Variants in CDH8 observed in about 807,000 individuals in gnomAD.
The protein encoded by CDH8 is cadherin-8.
In CDH8, 17 loss-of-function variants were observed where a neutral mutation model predicts 68.1. The observed-to-expected ratio is 0.25, with a 90% CI of 0.17 to 0.37. The LOEUF (loss-of-function observed/expected upper bound fraction) is 0.37. Ranked by LOEUF, CDH8 falls within the 10% of genes least tolerant of loss-of-function variation. The probability of loss-of-function intolerance (pLI) is 1.00; values close to 1 mark genes in which losing one functional copy is unlikely to be tolerated. For missense variants in CDH8, 763 were observed against 999.3 expected (o/e 0.76, Z 3.19); for synonymous variants, 372 against 365.1 (o/e 1.02, Z -0.21).
intron 2 of CDH8, among the ~76,000 whole-genome samples, chr16:61,902,754 C>T (rs1385716081): frequency 3.9e-5 from 6 of 152,026 alleles, no homozygotes; most frequent in African/African-American, 1.4e-4. Flanking sequence ...CATAAAATAG[C>T]AACAAAGATT....
Position 61,833,364 on chromosome 16 carries a change from T to C in CDH8, c.668-8185A>G, listed in dbSNP as rs562701978. Among the ~76,000 whole-genome samples the C allele has an allele frequency of 3.3e-5, 5 of 151,896 alleles. No homozygotes were observed. The South Asian group carries it at 6.2e-4, about 19-fold the overall frequency. ...ATAGATTCACACATATGTAAATATATGCATGTTTTCTACTTAGGCTTTATA... is the reference window on the plus strand; with the variant it reads ...ATAGATTCACACATATGTAAATATACGCATGTTTTCTACTTAGGCTTTATA... On this transcript the variant is annotated intron_variant, in intron 4 of 11. Transcript: ENST00000577390.
At chr16:61,940,738 C>T (rs1407401778) in intron 2 of CDH8, 1 of 152,182 alleles carries the variant, frequency 6.6e-6, no homozygotes, top group Non-Finnish European at 1.5e-5. Flanking sequence ...GGAAGAGAGG[C>T]TGCTGGAATC....
At chr16:61,872,133 A>T (rs975124371) in intron 3 of CDH8, among the ~76,000 whole-genome samples, 16 of 152,214 alleles carry the variant, frequency 1.1e-4, no homozygotes, top group African/African-American at 3.9e-4. Context: ...AAAAGAGCTA[A>T]TTGTGAGTTA....
At chr16:61,950,625 C>A (rs577394046) in intron 2 of CDH8, among the ~76,000 whole-genome samples, 192 of 152,214 alleles carry the variant, frequency 1.3e-3, no homozygotes, top group African/African-American at 4.5e-3. Context: ...TACTTCATTT[C>A]TTATTTTCCC....
chr16:61,871,329 T>C (rs1963357948), intron 3 of CDH8, among the ~76,000 whole-genome samples: 1 of 151,206 alleles, frequency 6.6e-6, no homozygotes, highest in South Asian at 2.1e-4. Flanking sequence ...TACAGGTGTG[T>C]AATCCCACCA....
rs1963951277 is a variant in CDH8 at position 61,900,573 on chromosome 16, C to CACATA, written c.547+605_547+606insTATGT. Reference sequence around the variant, plus strand: ...AAAATCATGTTTGAAATACAGACTGCTCTGTAATATGTGATGGAGTCTTCA... The same window carrying CACATA: ...AAAATCATGTTTGAAATACAGACTGCACATATCTGTAATATGTGATGGAGTCTTCA... On this transcript the variant is annotated intron_variant, in intron 3 of 11. Transcript: ENST00000577390. Among the ~76,000 whole-genome samples, 5 of 152,242 alleles carry CACATA rather than the reference C, an allele frequency of 3.3e-5. No individual in the cohort carries two copies. The South Asian group carries it at 1.0e-3, about 32-fold the overall frequency.
intron 2 of CDH8, among the ~76,000 whole-genome samples, chr16:61,933,706 GC>G (rs1046622045): frequency 1.1e-4 from 16 of 151,968 alleles, no homozygotes; most frequent in African/African-American, 3.9e-4. Flanking sequence ...TTCTTTTAGT[GC>G]TGGTGGTGAT....
intron 2 of CDH8, among the ~76,000 whole-genome samples, chr16:61,941,309 T>C (rs1348969198): frequency 1.3e-5 from 2 of 152,218 alleles, no homozygotes; most frequent in Non-Finnish European, 2.9e-5. Context: ...AAGAGTATCT[T>C]CGTATAGATC....
At chr16:61,983,391 T>C (rs1965571511) in intron 2 of CDH8, among the ~76,000 whole-genome samples, 1 of 152,220 alleles carries the variant, frequency 6.6e-6, no homozygotes, top group Non-Finnish European at 1.5e-5. Context: ...CAATTGCGAC[T>C]TGTACCTTTT....
intron 8 of CDH8, among the ~76,000 whole-genome samples, chr16:61,775,994 G>T (rs2142991142): frequency 6.6e-6 from 1 of 152,106 alleles, no homozygotes; most frequent in South Asian, 2.1e-4. Context: ...AAGCCCAAGT[G>T]GTTTGAATAA....
At chr16:61,926,844 C>A (rs1964464108) in intron 2 of CDH8, among the ~76,000 whole-genome samples, 1 of 152,052 alleles carries the variant, frequency 6.6e-6, no homozygotes. Flanking sequence ...TACAAAGGGT[C>A]TCATTTAAGA....
At chr16:61,792,881 T>C (rs548014113) in intron 7 of CDH8, among the ~76,000 whole-genome samples, 58 of 152,108 alleles carry the variant, frequency 3.8e-4, no homozygotes, top group African/African-American at 1.4e-3. Flanking sequence ...ATTTGTATCA[T>C]GGTGACATCC....
chr16:61,906,027 T>C lies in CDH8; in HGVS notation c.253-4554A>G, dbSNP rs1964055032. 2.0e-5 allele frequency among the ~76,000 whole-genome samples: 3 copies of C among 151,246 alleles called. No homozygotes were observed. The South Asian group carries it at 6.3e-4, about 32-fold the overall frequency. ...ATAGTATGGGAGAGAAACTAATAGATAGAGCAAGGAATTGAGGAAAAGAAA... is the reference window on the plus strand; with the variant it reads ...ATAGTATGGGAGAGAAACTAATAGACAGAGCAAGGAATTGAGGAAAAGAAA... On this transcript the variant is annotated intron_variant, in intron 2 of 11. Transcript: ENST00000577390.
intron 8 of CDH8, among the ~76,000 whole-genome samples, chr16:61,772,026 G>A (rs1347290397): frequency 1.3e-5 from 2 of 151,912 alleles, no homozygotes; most frequent in Non-Finnish European, 2.9e-5. Flanking sequence ...GGCAGCAGGA[G>A]CACTCAAACT....
intron 8 of CDH8, among the ~76,000 whole-genome samples, chr16:61,784,612 AC>A (rs1258193413): frequency 7.1e-6 from 1 of 140,266 alleles, no homozygotes; most frequent in Non-Finnish European, 1.5e-5. Context: ...AGAACTCTCC[AC>A]CCCAAATCAA....
At chr16:61,894,477 T>C (rs1963837003) in intron 3 of CDH8, among the ~76,000 whole-genome samples, 4 of 152,148 alleles carry the variant, frequency 2.6e-5, no homozygotes, top group South Asian at 2.1e-4. Flanking sequence ...ATTTTGATGA[T>C]TGTATTTTGT....
At chr16:61,953,926 T>TATATATATATATATATATATAA (rs1366207636) in intron 2 of CDH8, among the ~76,000 whole-genome samples, 3 of 118,992 alleles carry the variant, frequency 2.5e-5, no homozygotes, top group African/African-American at 9.5e-5. Flanking sequence ...TATATATATA[T>TATATATATATATATATATATAA]AAAATACCTT....
chr16:61,679,719 T>C (rs1057034212), intron 10 of CDH8, among the ~76,000 whole-genome samples: 5 of 152,000 alleles, frequency 3.3e-5, no homozygotes, highest in Non-Finnish European at 2.9e-5. Flanking sequence ...GATCAAAATA[T>C]TAAATCAATC....
intron 8 of CDH8, among the ~76,000 whole-genome samples, chr16:61,783,194 A>C (rs1961132254): frequency 8.4e-6 from 1 of 119,598 alleles, no homozygotes; most frequent in South Asian, 3.3e-4. Context: ...TTTGAAAAAA[A>C]TTTAGAAGAA....
Sources: allele counts gnomAD v4.1 joint callset (sites outside exome capture counted in the v4.1 genomes callset), GRCh38; gene constraint gnomAD v4.1.1; transcripts MANE v1.5; gene names NCBI Gene and HGNC (gene_info 2026-07-23, HGNC 2026-07-21).